CRTC1: variants seen among roughly 807,000 people sequenced by gnomAD.
The protein encoded by CRTC1 is CREB regulated transcription coactivator 1.
A neutral mutation model predicts 66.1 loss-of-function variants in CRTC1; 18 were observed. The observed-to-expected ratio is 0.27, with a 90% CI of 0.19 to 0.40. The LOEUF is 0.40. CRTC1 is among the 10% of genes least tolerant of loss of function. CRTC1 has a pLI of 1.00. For synonymous variants in CRTC1, 416 were observed against 398.8 expected, an observed-to-expected ratio of 1.04 and a Z score of -0.51; for missense variants, 669 against 887.9, an observed-to-expected ratio of 0.75 and a Z score of 3.13.
At chr19:18,706,182 CTTTTTTTTTTTTTTTTTTTTTTTTTTTTT>C (rs58104974) in intron 1 of CRTC1, among the ~76,000 whole-genome samples, 1 of 18,720 alleles carries the variant, frequency 5.3e-5, no homozygotes, top group Admixed American at 7.3e-4. Context: ...TTCCATTGGT[CTTTTTTTTTTTTTTTTTTTTTTTTTTTTT>C]TTTTTTTTTT....
rs369527278 is a variant in CRTC1 at position 18,711,849 on chromosome 19, C to A, written c.126+28021C>A. On this transcript the variant is annotated intron_variant, in intron 1 of 13. Coordinates refer to ENST00000321949, the MANE Select transcript of CRTC1 (RefSeq NM_015321.3). ...TGGCACTAGGGTGGTCTACTTTGGG[C>A]CCCTCCACCCACCCCCACACTGCCA... is the stretch of plus-strand genomic sequence containing the variant. Among the ~76,000 whole-genome samples, 61 of 152,322 alleles carry A rather than the reference C, an allele frequency of 4.0e-4. 1 individual carries two copies. The South Asian group carries it at 0.012, about 30-fold the overall frequency.
At chr19:18,717,116 C>T (rs2053527109) in intron 1 of CRTC1, among the ~76,000 whole-genome samples, 1 of 152,192 alleles carries the variant, frequency 6.6e-6, no homozygotes, top group Non-Finnish European at 1.5e-5. Context: ...TGTGTGTGAA[C>T]ACGTGTGATG....
intron 1 of CRTC1, among the ~76,000 whole-genome samples, chr19:18,720,347 C>T (rs1392979092): frequency 6.7e-6 from 1 of 150,206 alleles, no homozygotes; most frequent in Non-Finnish European, 1.5e-5. Flanking sequence ...TATTTTCTTT[C>T]TTTCTTTCTT....
intron 8 of CRTC1, among the ~76,000 whole-genome samples, chr19:18,762,162 A>G (rs1404995232): frequency 6.6e-6 from 1 of 152,214 alleles, no homozygotes. Context: ...CACGGCCACC[A>G]GAGCACATGG....
rs1244699369 is a variant in CRTC1, at chr19:18,741,876, C to G, written c.127-1034C>G. ...CTTCCGCCTCCGGTGTCCAGGGCCC[C>G]CTAGGAAGCTGGGGCGGTGGGGCAG... On this transcript the variant is annotated intron_variant, in intron 1 of 13. Coordinates refer to ENST00000321949, the MANE Select transcript of CRTC1 (RefSeq NM_015321.3). This position sits in a 1 kb window ranked among gnomAD's most constrained non-coding sequence, Gnocchi z 4.2. Among the ~76,000 whole-genome samples, 3 of 152,120 alleles carry G rather than the reference C, an allele frequency of 2.0e-5. No homozygotes were observed. Among genetic ancestry groups the G allele is most frequent in the Admixed American group, 6.5e-5 (1 of 15,284 alleles).
intron 1 of CRTC1, among the ~76,000 whole-genome samples, chr19:18,713,809 G>C (rs563295441): frequency 1.8e-4 from 28 of 152,352 alleles, no homozygotes; most frequent in African/African-American, 6.5e-4. Context: ...CTGCACGCGC[G>C]GGGAGGAGCT....
rs564745752 is a variant in CRTC1, at chr19:18,706,684, T to C, written c.126+22856T>C. Among the ~76,000 whole-genome samples the C allele has an allele frequency of 1.4e-4, 22 of 152,314 alleles. 1 individual carries two copies. Among genetic ancestry groups the C allele is most frequent in the Admixed American group, 1.2e-3 (18 of 15,280 alleles). Reference sequence around the variant, plus strand: ...TGTATGGATTTTAGGGTGGATTTTTTTCTATTTCTGCGAAAAAGGATATTT... The same window carrying C: ...TGTATGGATTTTAGGGTGGATTTTTCTCTATTTCTGCGAAAAAGGATATTT... On this transcript the variant is annotated intron_variant, in intron 1 of 13. Transcript: ENST00000321949.
intron 1 of CRTC1, among the ~76,000 whole-genome samples, chr19:18,718,467 G>A (rs1388308047): frequency 6.6e-6 from 1 of 150,972 alleles, no homozygotes; most frequent in African/African-American, 2.4e-5. Context: ...CTCTCGAATA[G>A]CTGAAATTAT....
chr19:18,749,926 G>T (rs1256165255), intron 5 of CRTC1, 51 bp downstream of exon 5: 1 of 1,438,110 alleles, frequency 7.0e-7, no homozygotes, highest in Non-Finnish European at 9.8e-7. Flanking sequence ...AAGTCCAGCA[G>T]GTAACCCCTG....
intron 1 of CRTC1, among the ~76,000 whole-genome samples, chr19:18,699,917 C>T (rs372294120): frequency 2.0e-5 from 3 of 152,116 alleles, no homozygotes; most frequent in South Asian, 2.1e-4. Context: ...AGGTGTCCCC[C>T]GGAGATAGTG....
chr19:18,759,701 C>A, intron 7 of CRTC1, 110 bp downstream of exon 7: 1 of 1,240,806 alleles, frequency 8.1e-7, no homozygotes, highest in Non-Finnish European at 1.1e-6. Context: ...AAGAGGGACA[C>A]TGTGTGACCA....
chr19:18,766,856 A>C (rs987531882), intron 9 of CRTC1, among the ~76,000 whole-genome samples: 4 of 152,274 alleles, frequency 2.6e-5, no homozygotes, highest in Non-Finnish European at 5.9e-5. Flanking sequence ...GCAGCTTCAT[A>C]GAATGAGTTA....
chr19:18,764,791 C>T (rs961837158), intron 8 of CRTC1, among the ~76,000 whole-genome samples: 2 of 152,154 alleles, frequency 1.3e-5, no homozygotes, highest in Non-Finnish European at 2.9e-5. Context: ...GTGCTCAGGT[C>T]TGGGGGCCAA....
chr19:18,704,368 C>T (rs993093690), intron 1 of CRTC1, among the ~76,000 whole-genome samples: 22 of 152,218 alleles, frequency 1.4e-4, no homozygotes, highest in African/African-American at 5.1e-4. Flanking sequence ...GGATTACAGG[C>T]GTGAGTCACC....
intron 1 of CRTC1, among the ~76,000 whole-genome samples, chr19:18,723,239 C>G (rs117938925): frequency 0.022 from 3,293 of 152,328 alleles, 59 homozygotes; most frequent in Non-Finnish European, 0.028. Flanking sequence ...CTGTAATTGC[C>G]CGGCCTACAA....
At chr19:18,720,477 G>A (rs1348244607) in intron 1 of CRTC1, among the ~76,000 whole-genome samples, 1 of 150,628 alleles carries the variant, frequency 6.6e-6, no homozygotes, top group Non-Finnish European at 1.5e-5. Flanking sequence ...AGCCTCCCGA[G>A]TAACTGGGAC....
Position 18,771,361 on chromosome 19 carries a change from C to A in CRTC1, c.1321-81C>A. ...CGGGGGGACCTGCCTGGGGGCTGAT[C>A]AGGCTGCTCCCGGGAAGCAGGGACT... On this transcript the variant is annotated intron_variant, in intron 10 of 13. Transcript: ENST00000321949. The surrounding 1 kb of genome is among the most constrained non-coding windows in gnomAD (Gnocchi z 4.6). 1.6e-6 allele frequency: 2 copies of A among 1,249,036 alleles called. No homozygotes were observed. Among genetic ancestry groups the A allele is most frequent in the Non-Finnish European group, 2.2e-6 (2 of 893,350 alleles). 77.4% of individuals were successfully genotyped at this position (1,249,036 alleles called of 1,614,324 possible). A position where few individuals can be genotyped will look rare whatever the true frequency, so the allele number is the denominator to read the frequency against.
chr19:18,777,663 GC>G lies in CRTC1; in HGVS notation c.*286del. ...AGACCCTCCCTGCACTGGCTCCCTC[GC>G]CCCCAGCCCCGGGGCCTGAGCCGTC... On this transcript the variant is annotated 3_prime_UTR_variant, in exon 14 of 14. Transcript: ENST00000321949. This position sits in a 1 kb window ranked among gnomAD's most constrained non-coding sequence, Gnocchi z 5.5. 1 of 438,580 alleles carries G rather than the reference GC, an allele frequency of 2.3e-6. No individual in the cohort carries two copies. Among genetic ancestry groups the G allele is most frequent in the Non-Finnish European group, 4.1e-6 (1 of 244,224 alleles). 27.2% of individuals were successfully genotyped at this position (438,580 alleles called of 1,614,324 possible).
intron 9 of CRTC1, among the ~76,000 whole-genome samples, chr19:18,766,594 C>T (rs1006199687): frequency 2.7e-5 from 4 of 150,778 alleles, no homozygotes; most frequent in Non-Finnish European, 5.9e-5. Flanking sequence ...TACAGGTGAC[C>T]GCCACCACGC....
Sources: allele counts gnomAD v4.1 joint callset (sites outside exome capture counted in the v4.1 genomes callset), GRCh38; gene constraint gnomAD v4.1.1; non-coding constraint Gnocchi (gnomAD v3.1); transcripts MANE v1.5; gene names NCBI Gene and HGNC (gene_info 2026-07-23, HGNC 2026-07-21).